PTPRN2: variants seen among roughly 807,000 people sequenced by gnomAD.
PTPRN2 encodes the protein receptor-type tyrosine-protein phosphatase N2.
In PTPRN2, 74 loss-of-function variants were observed where a neutral mutation model predicts 118.8. That is an observed-to-expected ratio of 0.62 (90% CI 0.52 to 0.76). PTPRN2 has a LOEUF of 0.76. Among genes scored for constraint, PTPRN2 ranks in the 30% least tolerant of loss-of-function variants. PTPRN2 has a pLI of 0.00. For synonymous variants in PTPRN2, 641 were observed against 608.0 expected, an observed-to-expected ratio of 1.05 and a Z score of -0.80; for missense variants, 1,481 against 1,394.4, an observed-to-expected ratio of 1.06 and a Z score of -0.99.
rs919016979 is a variant in PTPRN2, at chr7:157,953,801, C to T, written c.1724-55064G>A. 5.3e-5 allele frequency among the ~76,000 whole-genome samples: 8 copies of T among 152,186 alleles called. No homozygotes were observed. The highest frequency in any genetic ancestry group is 1.3e-4 in the Admixed American group (2 of 15,308). On this transcript the variant is annotated intron_variant, in intron 11 of 22. Coordinates refer to ENST00000389418, the MANE Select transcript of PTPRN2 (RefSeq NM_002847.5). The surrounding 1 kb of genome is among the most constrained non-coding windows in gnomAD (Gnocchi z 4.6). ...AAAGGATCCCTCCTGAGGGTGAGGG[C>T]GACCGAGAAAGGAATGAGGGCATAA...
Position 158,587,604 on chromosome 7 carries a change from G to C in PTPRN2, c.66C>G (p.Ala22=). ...LLLLPPRVLP[A]APSSVPRGRQ... is the part of the protein sequence containing the mutation. ...GGCCGCGGGGGACGGACGAAGGGGC[G>C]GCAGGCAGGACGCGTGGCGGCAGCA... The change falls in exon 1 of 23, where the codon GCC becomes GCG. Residue 22 remains alanine (A), a synonymous_variant. Coordinates refer to ENST00000389418, the MANE Select transcript of PTPRN2 (RefSeq NM_002847.5). 1 of 1,359,338 alleles carries C rather than the reference G, an allele frequency of 7.4e-7. No homozygotes were observed. The highest frequency in any genetic ancestry group is 3.1e-5 in the East Asian group (1 of 32,654). 84.2% of individuals were successfully genotyped at this position (1,359,338 alleles called of 1,614,324 possible). A position where few individuals can be genotyped will look rare whatever the true frequency, so the allele number is the denominator to read the frequency against.
chr7:158,071,751 G>GTA (rs1811832797), intron 11 of PTPRN2, among the ~76,000 whole-genome samples: 1 of 134,922 alleles, frequency 7.4e-6, no homozygotes, highest in African/African-American at 3.0e-5. Flanking sequence ...GGTGCTCATG[G>GTA]TGGAGGTGCT....
intron 13 of PTPRN2, among the ~76,000 whole-genome samples, chr7:157,662,862 G>A (rs539338398): frequency 1.3e-5 from 2 of 152,112 alleles, no homozygotes; most frequent in East Asian, 1.9e-4. Context: ...TAACATTGCC[G>A]ACCGTGTGCT....
intron 5 of PTPRN2, among the ~76,000 whole-genome samples, chr7:158,189,440 G>T (rs112834766): frequency 1.3e-5 from 2 of 152,160 alleles, no homozygotes; most frequent in South Asian, 4.1e-4. Flanking sequence ...GTGACGACTC[G>T]CTCACTGGCC....
rs189685274 is a variant in PTPRN2 at position 157,911,508 on chromosome 7, T to C, written c.1724-12771A>G. Among the ~76,000 whole-genome samples the C allele has an allele frequency of 3.8e-4, 58 of 152,310 alleles. 1 individual carries two copies. The East Asian group carries it at 0.011, about 28-fold the overall frequency. On this transcript the variant is annotated intron_variant, in intron 11 of 22. Transcript: ENST00000389418. Reference sequence around the variant, plus strand: ...ACTCAGATGACTTTCTCTTGAAAGTTAGAAGTTTTGGGGTTAATTTGTAAT... The same window carrying C: ...ACTCAGATGACTTTCTCTTGAAAGTCAGAAGTTTTGGGGTTAATTTGTAAT...
At chr7:157,814,796 T>C (rs918055391) in intron 12 of PTPRN2, among the ~76,000 whole-genome samples, 1 of 152,192 alleles carries the variant, frequency 6.6e-6, no homozygotes, top group Non-Finnish European at 1.5e-5. Flanking sequence ...CTTCTTTTCA[T>C]CTTTGAATTG....
chr7:157,939,234 C>T (rs1799903786), intron 11 of PTPRN2, among the ~76,000 whole-genome samples: 1 of 152,180 alleles, frequency 6.6e-6, no homozygotes, highest in Non-Finnish European at 1.5e-5. Flanking sequence ...ACCTCAATAG[C>T]GAGGTTTCCA....
chr7:158,532,693 C>T (rs528394938), intron 1 of PTPRN2: 2 of 533,556 alleles, frequency 3.7e-6, no homozygotes, highest in South Asian at 1.4e-5. Context: ...GCAAAAAATA[C>T]ATAACAAAAC....
intron 12 of PTPRN2, among the ~76,000 whole-genome samples, chr7:157,852,805 G>T (rs937112949): frequency 2.0e-5 from 3 of 149,670 alleles, no homozygotes; most frequent in Admixed American, 6.7e-5. Flanking sequence ...GGAGGCAGAG[G>T]TTGCAGTGAG....
At chr7:158,269,879 CAGAG>C (rs1214738904) in intron 3 of PTPRN2, among the ~76,000 whole-genome samples, 3 of 151,012 alleles carry the variant, frequency 2.0e-5, no homozygotes, top group East Asian at 1.9e-4. Flanking sequence ...CAGAAAGAGA[CAGAG>C]AGAGACAGAG....
rs1802905758 is a variant in PTPRN2 at position 157,618,085 on chromosome 7, A to G, written c.2344+3277T>C. On this transcript the variant is annotated intron_variant, in intron 15 of 22. Transcript: ENST00000389418. This position sits in a 1 kb window ranked among gnomAD's most constrained non-coding sequence, Gnocchi z 4.2. ...TAGCATGGTGCCAGCCAAGCATTGC[A>G]TAATGTGTGTTTCCTTCTCCTTTGG... 1.3e-5 allele frequency: 2 copies of G among 152,256 alleles called. No homozygotes were observed. Among genetic ancestry groups the G allele is most frequent in the South Asian group, 4.1e-4 (2 of 4,828 alleles). 9.4% of individuals were successfully genotyped at this position (152,256 alleles called of 1,614,324 possible). A position where few individuals can be genotyped will look rare whatever the true frequency, so the allele number is the denominator to read the frequency against.
rs1802286969 is a variant in PTPRN2 at position 157,610,842 on chromosome 7, C to T, written c.2345-6767G>A. Among the ~76,000 whole-genome samples, 1 of 152,200 alleles carries T rather than the reference C, an allele frequency of 6.6e-6. No individual in the cohort carries two copies. Among genetic ancestry groups the T allele is most frequent in the South Asian group, 2.1e-4 (1 of 4,832 alleles). On this transcript the variant is annotated intron_variant, in intron 15 of 22. Transcript: ENST00000389418. The surrounding 1 kb of genome is among the most constrained non-coding windows in gnomAD (Gnocchi z 5.1). ...AGTCAGCAGGCAGACATTCTGCTTC[C>T]AACTATGCCTTTGGGAAATGCTCAG...
At chr7:158,230,784 G>GA (rs1339410451) in intron 3 of PTPRN2, among the ~76,000 whole-genome samples, 1 of 151,938 alleles carries the variant, frequency 6.6e-6, no homozygotes, top group Non-Finnish European at 1.5e-5. Flanking sequence ...ACAAAACAAT[G>GA]AAAAAACAAA....
At chr7:157,677,465 T>C (rs1443980571) in intron 13 of PTPRN2, among the ~76,000 whole-genome samples, 1 of 152,166 alleles carries the variant, frequency 6.6e-6, no homozygotes, top group African/African-American at 2.4e-5. Context: ...GCTCTATCTC[T>C]CAGGAGCTGT....
intron 7 of PTPRN2, among the ~76,000 whole-genome samples, chr7:158,137,454 T>C (rs767175532): frequency 6.6e-6 from 1 of 152,068 alleles, no homozygotes; most frequent in Non-Finnish European, 1.5e-5. Flanking sequence ...TTAATTAATA[T>C]CCTACTTTCA....
At chr7:158,193,874 C>A (rs1214781754) in intron 4 of PTPRN2, among the ~76,000 whole-genome samples, 1 of 150,668 alleles carries the variant, frequency 6.6e-6, no homozygotes, top group African/African-American at 2.5e-5. Flanking sequence ...GTGACTGCAC[C>A]CCACCTCCAC....
intron 11 of PTPRN2, among the ~76,000 whole-genome samples, chr7:158,054,254 C>T (rs528375638): frequency 3.6e-4 from 55 of 152,286 alleles, no homozygotes; most frequent in African/African-American, 1.2e-3. Context: ...CACAGCTCTC[C>T]GAAATTTTCC....
chr7:157,970,384 C>G (rs951191240), intron 11 of PTPRN2, among the ~76,000 whole-genome samples: 3 of 152,176 alleles, frequency 2.0e-5, no homozygotes, highest in Non-Finnish European at 4.4e-5. Context: ...GGGACAGAGA[C>G]AGCATCCCAA....
At chr7:157,693,236 C>A (rs1206565864) in intron 12 of PTPRN2, among the ~76,000 whole-genome samples, 1 of 151,984 alleles carries the variant, frequency 6.6e-6, no homozygotes, top group Non-Finnish European at 1.5e-5. Context: ...CAACGGCCAG[C>A]GCGCGCGTCT....
Sources: gnomAD v4.1 joint callset for allele counts (sites outside exome capture counted in the v4.1 genomes callset) on GRCh38, gnomAD v4.1.1 for gene constraint, Gnocchi (gnomAD v3.1) non-coding constraint, MANE v1.5 for transcripts, NCBI Gene and HGNC (gene_info 2026-07-23, HGNC 2026-07-21) for gene names.